BSN: variants seen among roughly 807,000 people sequenced by gnomAD.
The protein encoded by BSN is bassoon presynaptic cytomatrix protein.
A neutral mutation model predicts 264.8 loss-of-function variants in BSN; 57 were observed. That is an observed-to-expected ratio of 0.22 (90% confidence interval 0.17 to 0.27). The LOEUF (loss-of-function observed/expected upper bound fraction) is 0.27, where lower values mean the gene tolerates loss of function less well. BSN is among the 10% of genes least tolerant of loss of function. The pLI is 1.00. For synonymous variants in BSN, 2,059 were observed against 2,137.3 expected (o/e 0.96, Z 1.01); for missense variants, 4,615 against 5,232.5 (o/e 0.88, Z 3.64).
intron 1 of BSN, among the ~76,000 whole-genome samples, chr3:49,602,832 G>A (rs889436186): frequency 5.3e-5 from 8 of 152,158 alleles, no homozygotes; most frequent in African/African-American, 1.2e-4. Context: ...AATGTCTGTC[G>A]CATGCTAAGA....
At position 49,584,112 on chromosome 3, in the gene BSN, C is replaced by G. The variant is rs2051916483; in HGVS notation, c.224+29286C>G. Among the ~76,000 whole-genome samples, 15 of 152,114 alleles carry G rather than the reference C, an allele frequency of 9.9e-5. No homozygotes were observed. In the South Asian group the frequency reaches 2.9e-3, roughly 30 times the overall value. Reference sequence around the variant, plus strand: ...GTGTTAGCCAGGAGGGTCTCGATCTCCTGACCTCGTGATCCACCCACCTCG... The same window carrying G: ...GTGTTAGCCAGGAGGGTCTCGATCTGCTGACCTCGTGATCCACCCACCTCG... On this transcript the variant is annotated intron_variant, in intron 1 of 11. Transcript: ENST00000296452.
chr3:49,669,792 G>A lies in BSN; in HGVS notation c.*2307G>A, dbSNP rs2052742273. 3 of 152,452 alleles carry A rather than the reference G, an allele frequency of 2.0e-5. No homozygotes were observed. The highest frequency in any genetic ancestry group is 2.1e-4 in the South Asian group (1 of 4,838). 9.4% of individuals were successfully genotyped at this position (152,452 alleles called of 1,614,324 possible). On this transcript the variant is annotated 3_prime_UTR_variant, in exon 12 of 12. Coordinates refer to ENST00000296452, the MANE Select transcript of BSN (RefSeq NM_003458.4). The stretch of plus-strand genomic sequence containing the variant: ...AATAGCAAATCTTACAGAAGGTCCT[G>A]TGTGACCCTCTCTGCATCTGTCCCC...
chr3:49,651,140 T>C lies in BSN; in HGVS notation c.1986+61T>C. 1 of 1,516,384 alleles carries C rather than the reference T, an allele frequency of 6.6e-7. No homozygotes were observed. Among genetic ancestry groups the C allele is most frequent in the Non-Finnish European group, 8.8e-7 (1 of 1,132,674 alleles). The allele number at this position is 1,516,384 out of a possible 1,614,324, so 93.9% of individuals were successfully genotyped here. ...CAGACAGGACAGTCTATGGAAAGGCTTGCCTCCCTGGGTGGCTGAGGCTGT... is the reference window on the plus strand; with the variant it reads ...CAGACAGGACAGTCTATGGAAAGGCCTGCCTCCCTGGGTGGCTGAGGCTGT... On this transcript the variant is annotated intron_variant, in intron 4 of 11. Transcript: ENST00000296452. The surrounding 1 kb of genome is among the most constrained non-coding windows in gnomAD (Gnocchi z 5.4).
chr3:49,660,020 C>G lies in BSN; in HGVS notation c.8641-466C>G, dbSNP rs2052639957. ...TCCCTTCCCATGATCCTCTAGGGAG[C>G]CTGGCGGGCCCAGGACCCTCTCCAC... On this transcript the variant is annotated intron_variant, in intron 5 of 11. Transcript: ENST00000296452. This position sits in a 1 kb window ranked among gnomAD's most constrained non-coding sequence, Gnocchi z 7.1. Among the ~76,000 whole-genome samples, 1 of 152,140 alleles carries G rather than the reference C, an allele frequency of 6.6e-6. No individual in the cohort carries two copies. Among genetic ancestry groups the G allele is most frequent in the Non-Finnish European group, 1.5e-5 (1 of 68,014 alleles).
Position 49,638,648 on chromosome 3 carries a change from G to A in BSN, c.634-3620G>A, listed in dbSNP as rs187211428. ...TCTGGGCGATGAGTCACTGAGGGGC[G>A]TTTCAGCCTTTTCTTGGAGAAGTTC... On this transcript the variant is annotated intron_variant, in intron 2 of 11. Coordinates refer to ENST00000296452, the MANE Select transcript of BSN (RefSeq NM_003458.4). The surrounding 1 kb of genome is among the most constrained non-coding windows in gnomAD (Gnocchi z 4.3). 1.2e-4 allele frequency among the ~76,000 whole-genome samples: 19 copies of A among 152,336 alleles called. No individual in the cohort carries two copies. The South Asian group carries it at 2.9e-3, about 23-fold the overall frequency.
At chr3:49,567,482 T>C (rs1026017737) in intron 1 of BSN, among the ~76,000 whole-genome samples, 3 of 152,226 alleles carry the variant, frequency 2.0e-5, no homozygotes, top group Non-Finnish European at 4.4e-5. Context: ...GGCTCCAGGC[T>C]GCAGTTGGGT....
In BSN at chr3:49,662,477, C is replaced by T. The variant is rs1328755064; in HGVS notation, c.10632C>T (p.Val3544=). The T allele has an allele frequency of 2.5e-6, 4 of 1,613,586 alleles. No homozygotes were observed. The African/African-American group carries it at 5.3e-5, about 22-fold the overall frequency. The stretch of plus-strand genomic sequence containing the variant: ...CCATGCCTGATGTCCAGGAACATGT[C>T]AAGGACGGACCTCGGGCCCACGCAT... ...SHSMPDVQEH[V]KDGPRAHAYK... Residue 3544 remains valine, a synonymous_variant, in exon 6 of 12, where the codon GTC becomes GTT. Coordinates refer to ENST00000296452, the MANE Select transcript of BSN (RefSeq NM_003458.4).
Position 49,654,380 on chromosome 3 carries a change from G to T in BSN, c.4824G>T (p.Glu1608Asp), listed in dbSNP as rs781524798. The T allele has an allele frequency of 6.2e-7, 1 of 1,605,004 alleles. No homozygotes were observed. The highest frequency in any genetic ancestry group is 8.5e-7 in the Non-Finnish European group (1 of 1,176,318). ...CGAGTGTGTCTCAGCTGCCCCCAGA[G>T]CCACCTGGGCCACCTGGCTTTCCAC... is the stretch of plus-strand genomic sequence containing the variant. ...TPPSVSQLPP[E>D]PPGPPGFPRV... The change falls in exon 5 of 12, where the codon GAG becomes GAT. Residue 1608 changes from glutamate (E) to aspartate (D), a missense_variant. Physicochemically the swap from Glu to Asp is conservative, Grantham distance 45. This residue lies in a region of BSN where 3,415 missense variants were observed against 3,866.4 expected (regional missense o/e 0.88). Transcript: ENST00000296452. This position sits in a 1 kb window ranked among gnomAD's most constrained non-coding sequence, Gnocchi z 4.1.
chr3:49,646,426 G>A (rs753685587), intron 3 of BSN, among the ~76,000 whole-genome samples: 2 of 152,174 alleles, frequency 1.3e-5, no homozygotes, highest in Non-Finnish European at 2.9e-5. Flanking sequence ...TTGAGAAGTC[G>A]GGCCTCCCTG....
chr3:49,654,110 A>G lies in BSN; in HGVS notation c.4554A>G (p.Pro1518=), dbSNP rs775029210. 1 of 1,614,018 alleles carries G rather than the reference A, an allele frequency of 6.2e-7. No individual in the cohort carries two copies. Among genetic ancestry groups the G allele is most frequent in the African/African-American group, 1.3e-5 (1 of 75,030 alleles). ...GTCCAGCCCCTGCCTCAGACATGCC[A>G]CGGAGCCCTGGTGCCCCCACTCCAT... ...TPSPAPASDM[P]RSPGAPTPSP... Residue 1518 remains proline (P), a synonymous_variant, in exon 5 of 12, where the codon CCA becomes CCG. Coordinates refer to ENST00000296452, the MANE Select transcript of BSN (RefSeq NM_003458.4). This position sits in a 1 kb window ranked among gnomAD's most constrained non-coding sequence, Gnocchi z 4.1.
chr3:49,554,491 G>T lies in BSN; in HGVS notation c.-112G>T, dbSNP rs1261483298. 3 of 258,310 alleles carry T rather than the reference G, an allele frequency of 1.2e-5. No individual in the cohort carries two copies. The highest frequency in any genetic ancestry group is 1.4e-4 in the South Asian group (1 of 7,228). 16.0% of individuals were successfully genotyped at this position (258,310 alleles called of 1,614,324 possible). On this transcript the variant is annotated 5_prime_UTR_variant, in exon 1 of 12. Transcript: ENST00000296452. ...TGCGCAGCGGCAGGCGGCGGCGCGA[G>T]CCGAGCTGGGAGATGGCGGCGGCAG...
intron 1 of BSN, among the ~76,000 whole-genome samples, chr3:49,565,004 A>G (rs1011864578): frequency 6.6e-6 from 1 of 152,068 alleles, no homozygotes; most frequent in East Asian, 1.9e-4. Context: ...GTAAAAAAAA[A>G]AAAGAAGAAA....
chr3:49,648,742 G>T (rs746283566), intron 3 of BSN, among the ~76,000 whole-genome samples: 5 of 152,238 alleles, frequency 3.3e-5, no homozygotes, highest in Non-Finnish European at 7.3e-5. Flanking sequence ...GTGGGGTTTT[G>T]TGTGGAGACA....
Position 49,657,638 on chromosome 3 carries a change from C to A in BSN, c.8082C>A (p.Thr2694=). 6.3e-7 allele frequency: 1 copy of A among 1,595,868 alleles called. No individual in the cohort carries two copies. Among genetic ancestry groups the A allele is most frequent in the South Asian group, 1.1e-5 (1 of 89,590 alleles). ...VSPAIHITAA[T]DPKVEIVRYI... ...CAGCCATCCACATCACAGCTGCCAC[C>A]GATCCCAAGGTGGAGATCGTCAGGT... The change falls in exon 5 of 12, where the codon ACC becomes ACA. Residue 2694 remains threonine, a synonymous_variant. Coordinates refer to ENST00000296452, the MANE Select transcript of BSN (RefSeq NM_003458.4).
intron 2 of BSN, among the ~76,000 whole-genome samples, chr3:49,628,014 G>A (rs886250859): frequency 6.6e-6 from 1 of 152,170 alleles, no homozygotes; most frequent in South Asian, 2.1e-4. Flanking sequence ...TGTCCAGGGC[G>A]TGTCGGCAGG....
At chr3:49,569,411 A>G (rs1388812733) in intron 1 of BSN, among the ~76,000 whole-genome samples, 1 of 152,232 alleles carries the variant, frequency 6.6e-6, no homozygotes, top group Non-Finnish European at 1.5e-5. Context: ...TGGAAATGAA[A>G]GCACTCAGCA....
At chr3:49,554,941 T>C in intron 1 of BSN, 115 bp downstream of exon 1, 2 of 585,476 alleles carry the variant, frequency 3.4e-6, no homozygotes, top group Non-Finnish European at 4.8e-6. Flanking sequence ...GGCCGCACTC[T>C]GAACCCTGCC....
intron 1 of BSN, among the ~76,000 whole-genome samples, chr3:49,603,179 G>A (rs573045382): frequency 2.6e-4 from 39 of 152,232 alleles, no homozygotes; most frequent in Admixed American, 2.3e-3. Flanking sequence ...AAACTTGAGG[G>A]CCGCAGGTCC....
At chr3:49,594,575 T>C (rs1205390622) in intron 1 of BSN, among the ~76,000 whole-genome samples, 1 of 152,228 alleles carries the variant, frequency 6.6e-6, no homozygotes, top group Non-Finnish European at 1.5e-5. Flanking sequence ...TTTTTATTAC[T>C]GTAGCTACAC....
Sources: gnomAD v4.1 joint callset for allele counts (sites outside exome capture counted in the v4.1 genomes callset) on GRCh38, gnomAD v4.1.1 for gene constraint, gnomAD v4.1.1 regional missense constraint, Gnocchi (gnomAD v3.1) non-coding constraint, MANE v1.5 for transcripts, NCBI Gene and HGNC (gene_info 2026-07-23, HGNC 2026-07-21) for gene names.